Variants in PDGFD observed in about 807,000 individuals in gnomAD.
PDGFD encodes the protein platelet derived growth factor D.
In PDGFD, 30 loss-of-function variants were observed where a neutral mutation model predicts 44.7. That is an observed-to-expected ratio of 0.67 (90% confidence interval 0.50 to 0.91). PDGFD has a LOEUF of 0.91. Ranked by LOEUF, PDGFD falls within the 40% of genes least tolerant of loss-of-function variation. The pLI is 0.00. For synonymous variants in PDGFD, 173 were observed against 168.4 expected (o/e 1.03, Z -0.21); for missense variants, 445 against 457.8 (o/e 0.97, Z 0.25).
chr11:103,909,958 G>T, intron 6 of PDGFD, 139 bp from the exon 7 acceptor site: 1 of 962,054 alleles, frequency 1.0e-6, no homozygotes, highest in Non-Finnish European at 1.6e-6. Flanking sequence ...CTATTAGAAT[G>T]CACACGTTGC....
Position 103,946,928 on chromosome 11 carries a change from C to T in PDGFD, c.573+734G>A, listed in dbSNP as rs140448660. 3.9e-5 allele frequency among the ~76,000 whole-genome samples: 6 copies of T among 152,312 alleles called. No homozygotes were observed. In the East Asian group the frequency reaches 1.2e-3, roughly 29 times the overall value. ...AATTTTAGGAAAAAAAACAACAACTCTGACTCAGCCACACGGACCTACTCA... is the reference window on the plus strand; with the variant it reads ...AATTTTAGGAAAAAAAACAACAACTTTGACTCAGCCACACGGACCTACTCA... On this transcript the variant is annotated intron_variant, in intron 4 of 6. Transcript: ENST00000393158.
At chr11:103,931,205 A>G (rs1858394587) in intron 5 of PDGFD, among the ~76,000 whole-genome samples, 1 of 152,242 alleles carries the variant, frequency 6.6e-6, no homozygotes, top group South Asian at 2.1e-4. Flanking sequence ...ATTATTTTAT[A>G]CAAGTTACCT....
At chr11:104,110,478 A>C (rs1861537086) in intron 1 of PDGFD, among the ~76,000 whole-genome samples, 1 of 151,080 alleles carries the variant, frequency 6.6e-6, no homozygotes, top group Admixed American at 6.6e-5. Flanking sequence ...TTTTACTAAA[A>C]TATATGAAAT....
chr11:104,089,725 A>C (rs975487586), intron 1 of PDGFD, among the ~76,000 whole-genome samples: 1 of 152,178 alleles, frequency 6.6e-6, no homozygotes, highest in Non-Finnish European at 1.5e-5. Context: ...AATCGTATGC[A>C]TTTTCTATCA....
chr11:104,016,432 C>G (rs975898723), intron 1 of PDGFD, among the ~76,000 whole-genome samples: 2 of 152,222 alleles, frequency 1.3e-5, no homozygotes, highest in South Asian at 4.1e-4. Context: ...CAAGCTTTCC[C>G]TCTGTCTCAC....
intron 1 of PDGFD, among the ~76,000 whole-genome samples, chr11:104,002,234 G>C (rs912011026): frequency 6.6e-6 from 1 of 152,142 alleles, no homozygotes; most frequent in Non-Finnish European, 1.5e-5. Flanking sequence ...GGGGCTTTTA[G>C]GCAATGGGTC....
At chr11:103,947,853 G>T in intron 3 of PDGFD, 129 bp from the exon 4 acceptor site, 1 of 707,844 alleles carries the variant, frequency 1.4e-6, no homozygotes, top group African/African-American at 1.7e-5. Flanking sequence ...CTATATTCCT[G>T]CTGAACAGGT....
intron 6 of PDGFD, among the ~76,000 whole-genome samples, chr11:103,920,796 T>A (rs1858203344): frequency 6.6e-6 from 1 of 152,240 alleles, no homozygotes. Flanking sequence ...TGAATTAACT[T>A]TTTTATAAGC....
rs1040339643 is a variant in PDGFD, at chr11:104,062,685, C to A, written c.125-62430G>T. Among the ~76,000 whole-genome samples the A allele has an allele frequency of 7.2e-5, 11 of 152,188 alleles. No individual in the cohort carries two copies. The East Asian group carries it at 1.9e-3, about 27-fold the overall frequency. ...ATTATTATGCTACTACAAACATTGT[C>A]TGAATTGCTGCAGTTAAAAATAAGT... On this transcript the variant is annotated intron_variant, in intron 1 of 6. Transcript: ENST00000393158.
chr11:104,052,168 T>C (rs1181350591), intron 1 of PDGFD, among the ~76,000 whole-genome samples: 1 of 152,180 alleles, frequency 6.6e-6, no homozygotes, highest in Non-Finnish European at 1.5e-5. Flanking sequence ...TCAAGACTTA[T>C]CCATATTGTA....
chr11:104,135,463 T>C (rs1861990344), intron 1 of PDGFD, among the ~76,000 whole-genome samples: 1 of 151,992 alleles, frequency 6.6e-6, no homozygotes, highest in African/African-American at 2.4e-5. Flanking sequence ...GAACATGCTA[T>C]TTTCCATAAA....
chr11:104,006,282 T>C (rs260865), intron 1 of PDGFD, among the ~76,000 whole-genome samples: 106,598 of 152,080 alleles, frequency 0.7, 37,452 homozygotes, highest in Admixed American at 0.77. Context: ...TATTAATAAG[T>C]CTCCAAGGTG....
At chr11:104,087,195 AT>A (rs33989914) in intron 1 of PDGFD, among the ~76,000 whole-genome samples, 2 of 129,094 alleles carry the variant, frequency 1.5e-5, no homozygotes, top group Non-Finnish European at 1.6e-5. Flanking sequence ...CAACTGGCTA[AT>A]TTTTTTTTTT....
At chr11:103,949,333 T>C (rs535665933) in intron 3 of PDGFD, among the ~76,000 whole-genome samples, 4 of 152,168 alleles carry the variant, frequency 2.6e-5, no homozygotes, top group East Asian at 3.9e-4. Context: ...CTAGGGAAGA[T>C]AGAAAAGAAG....
At chr11:103,933,982 A>G (rs990786560) in intron 5 of PDGFD, among the ~76,000 whole-genome samples, 3 of 152,158 alleles carry the variant, frequency 2.0e-5, no homozygotes, top group Non-Finnish European at 4.4e-5. Flanking sequence ...GAAATGAAAA[A>G]TTTTTTAAAA....
At chr11:103,935,194 T>C (rs1469672147) in intron 5 of PDGFD, among the ~76,000 whole-genome samples, 1 of 152,132 alleles carries the variant, frequency 6.6e-6, no homozygotes, top group African/African-American at 2.4e-5. Flanking sequence ...GGGAATAACT[T>C]TGATAATGAG....
At chr11:104,030,074 T>C (rs927927700) in intron 1 of PDGFD, among the ~76,000 whole-genome samples, 3 of 152,202 alleles carry the variant, frequency 2.0e-5, no homozygotes, top group Non-Finnish European at 4.4e-5. Context: ...AAAATTATCG[T>C]ATAAAATTAC....
intron 1 of PDGFD, among the ~76,000 whole-genome samples, chr11:104,075,165 T>C (rs1269762703): frequency 6.6e-6 from 1 of 152,200 alleles, no homozygotes; most frequent in African/African-American, 2.4e-5. Flanking sequence ...TGTTCACTGG[T>C]CACAGGTGGG....
intron 1 of PDGFD, chr11:104,037,617 G>A: frequency 6.2e-7 from 1 of 1,614,122 alleles, no homozygotes; most frequent in Non-Finnish European, 8.5e-7. Context: ...GCGCCCAGAT[G>A]ACCATTATGA....
Sources: gnomAD v4.1 joint callset for allele counts (sites outside exome capture counted in the v4.1 genomes callset) on GRCh38, gnomAD v4.1.1 for gene constraint, MANE v1.5 for transcripts, NCBI Gene and HGNC (gene_info 2026-07-23, HGNC 2026-07-21) for gene names.